GRM5: variants seen among roughly 807,000 people sequenced by gnomAD.
GRM5 encodes the protein metabotropic glutamate receptor 5.
In GRM5, 19 loss-of-function variants were observed where a neutral mutation model predicts 83.1. The observed-to-expected ratio is 0.23, with a 90% CI of 0.16 to 0.34. The LOEUF (loss-of-function observed/expected upper bound fraction) is 0.34, where lower values mean the gene tolerates loss of function less well. Ranked by LOEUF, GRM5 falls within the 10% of genes least tolerant of loss-of-function variation. The pLI, the probability that GRM5 is intolerant of heterozygous loss-of-function variation, is 1.00. For synonymous variants in GRM5, 675 were observed against 633.6 expected (o/e 1.07, Z -0.98); for missense variants, 1,160 against 1,588.3 (o/e 0.73, Z 4.58).
At chr11:88,549,696 T>C (rs1213686783) in intron 8 of GRM5, among the ~76,000 whole-genome samples, 1 of 151,974 alleles carries the variant, frequency 6.6e-6, no homozygotes, top group Non-Finnish European at 1.5e-5. Flanking sequence ...GGGCTTGATG[T>C]AGCAGACTGG....
At chr11:88,769,342 A>T (rs1942684117) in intron 3 of GRM5, among the ~76,000 whole-genome samples, 1 of 151,242 alleles carries the variant, frequency 6.6e-6, no homozygotes, top group Admixed American at 6.6e-5. Flanking sequence ...TTGTGTATAT[A>T]CACAGGTCAT....
chr11:89,016,596 G>C (rs533847902), intron 2 of GRM5, among the ~76,000 whole-genome samples: 2 of 152,232 alleles, frequency 1.3e-5, no homozygotes, highest in Admixed American at 1.3e-4. Context: ...TCTCCTGTTT[G>C]AGAAAGGATG....
At chr11:88,939,477 A>G (rs924469748) in intron 2 of GRM5, among the ~76,000 whole-genome samples, 4 of 151,780 alleles carry the variant, frequency 2.6e-5, no homozygotes, top group Non-Finnish European at 4.4e-5. Context: ...TAATGTGTGT[A>G]TTTTAGCTGC....
chr11:88,535,441 G>A (rs1942112003), intron 8 of GRM5, among the ~76,000 whole-genome samples: 1 of 152,204 alleles, frequency 6.6e-6, no homozygotes, highest in Non-Finnish European at 1.5e-5. Flanking sequence ...CATGAGAGAA[G>A]CTAAGCCAAC....
At chr11:89,062,905 A>G (rs535861785) in intron 1 of GRM5, among the ~76,000 whole-genome samples, 1 of 152,376 alleles carries the variant, frequency 6.6e-6, no homozygotes, top group Admixed American at 6.5e-5. Context: ...GCCGTGGGAT[A>G]ACTAGCAGGC....
At chr11:88,598,400 C>T (rs1039342255) in intron 5 of GRM5, among the ~76,000 whole-genome samples, 1 of 151,826 alleles carries the variant, frequency 6.6e-6, no homozygotes, top group Non-Finnish European at 1.5e-5. Context: ...TAAAATGATG[C>T]CATTCTGTTT....
intron 8 of GRM5, among the ~76,000 whole-genome samples, chr11:88,561,905 C>T (rs1942765078): frequency 6.6e-6 from 1 of 152,146 alleles, no homozygotes; most frequent in African/African-American, 2.4e-5. Flanking sequence ...TTAGAATTAC[C>T]TCTGTTGTCT....
chr11:88,695,174 A>G (rs1940872869), intron 3 of GRM5, among the ~76,000 whole-genome samples: 1 of 152,214 alleles, frequency 6.6e-6, no homozygotes, highest in Non-Finnish European at 1.5e-5. Flanking sequence ...TTTCCATCAA[A>G]TATATTTTCA....
intron 4 of GRM5, among the ~76,000 whole-genome samples, chr11:88,644,026 T>G (rs1353985450): frequency 6.6e-6 from 1 of 152,230 alleles, no homozygotes; most frequent in African/African-American, 2.4e-5. Context: ...CCTTTTTGAA[T>G]ATAAACTCTT....
chr11:88,805,285 G>A (rs778509232), intron 3 of GRM5, among the ~76,000 whole-genome samples: 2 of 152,164 alleles, frequency 1.3e-5, no homozygotes, highest in South Asian at 2.1e-4. Flanking sequence ...TCCGCCTCCC[G>A]GATTCAAGTG....
chr11:89,004,265 G>A (rs985015826), intron 2 of GRM5, among the ~76,000 whole-genome samples: 2 of 152,036 alleles, frequency 1.3e-5, no homozygotes, highest in African/African-American at 4.8e-5. Flanking sequence ...GTCTAAGGTA[G>A]GTTTTTCATT....
In GRM5 at chr11:88,597,099, T is replaced by G. The variant is rs1937830246; in HGVS notation, c.1563+85A>C. ...CTTACAATATAAAAAGTAAAATAAGTGTCTAAAATTTTTAAAAATAGCCAA... is the reference window on the plus strand; with the variant it reads ...CTTACAATATAAAAAGTAAAATAAGGGTCTAAAATTTTTAAAAATAGCCAA... On this transcript the variant is annotated intron_variant, in intron 6 of 9. Transcript: ENST00000305447. The G allele has an allele frequency of 3.2e-5, 25 of 772,258 alleles. No homozygotes were observed. The South Asian group carries it at 5.5e-4, about 17-fold the overall frequency. The allele number at this position is 772,258 out of a possible 1,614,324, so 47.8% of individuals were successfully genotyped here.
chr11:88,931,801 T>C (rs1363109285), intron 2 of GRM5, among the ~76,000 whole-genome samples: 2 of 152,184 alleles, frequency 1.3e-5, no homozygotes, highest in South Asian at 2.1e-4. Context: ...TGAAATATTT[T>C]TGAGGCTTTT....
At position 88,723,899 on chromosome 11, in the gene GRM5, G is replaced by C. The variant is rs554805608; in HGVS notation, c.912-70496C>G. Among the ~76,000 whole-genome samples, 527 of 152,096 alleles carry C rather than the reference G, an allele frequency of 3.5e-3. 2 individuals carry two copies. The highest frequency in any genetic ancestry group is 0.012 in the African/African-American group (507 of 41,496). The stretch of plus-strand genomic sequence containing the variant: ...AATCTTGTTTCATTTTAGATTCAGG[G>C]AGTACATGTGCATGTTGCTATATGG... On this transcript the variant is annotated intron_variant, in intron 3 of 9. Transcript: ENST00000305447.
rs369160550 is a variant in GRM5 at position 88,956,436 on chromosome 11, T to C, written c.661+90776A>G. On this transcript the variant is annotated intron_variant, in intron 2 of 9. Transcript: ENST00000305447. ...GCTAGGCACTCTGCTAGGCTAGAGATTGAATACAAATATTACATTGTTCCT... is the reference window on the plus strand; with the variant it reads ...GCTAGGCACTCTGCTAGGCTAGAGACTGAATACAAATATTACATTGTTCCT... 5.6e-4 allele frequency among the ~76,000 whole-genome samples: 86 copies of C among 152,348 alleles called. 1 individual carries two copies. Among genetic ancestry groups the C allele is most frequent in the African/African-American group, 1.8e-3 (74 of 41,590 alleles).
chr11:89,040,515 T>C (rs1941504217), intron 2 of GRM5, among the ~76,000 whole-genome samples: 2 of 151,962 alleles, frequency 1.3e-5, no homozygotes, highest in African/African-American at 4.8e-5. Context: ...AGAAACACAA[T>C]AAGGCCTCAT....
chr11:88,845,407 T>C (rs1329637584), intron 3 of GRM5, among the ~76,000 whole-genome samples: 1 of 147,296 alleles, frequency 6.8e-6, no homozygotes, highest in Non-Finnish European at 1.5e-5. Flanking sequence ...TAGGCTACAG[T>C]ACAGTATAAA....
chr11:89,065,365 T>C (rs1317352233), intron 1 of GRM5, among the ~76,000 whole-genome samples: 1 of 150,416 alleles, frequency 6.6e-6, no homozygotes, highest in Admixed American at 6.6e-5. Flanking sequence ...TCCAAACGTA[T>C]CCTTTGGCTC....
At chr11:88,708,897 G>A (rs1941220904) in intron 3 of GRM5, among the ~76,000 whole-genome samples, 1 of 152,030 alleles carries the variant, frequency 6.6e-6, no homozygotes, top group Admixed American at 6.6e-5. Flanking sequence ...CATTGTGGTA[G>A]GAACTAAGTT....
Sources: gnomAD v4.1 joint callset for allele counts (sites outside exome capture counted in the v4.1 genomes callset) on GRCh38, gnomAD v4.1.1 for gene constraint, MANE v1.5 for transcripts, NCBI Gene and HGNC (gene_info 2026-07-23, HGNC 2026-07-21) for gene names.